Variants in SBNO2 observed in about 807,000 individuals in gnomAD.
SBNO2 encodes protein strawberry notch homolog 2.
SBNO2 carries 89 observed loss-of-function variants against 146.3 expected under a neutral mutation model. That is an observed-to-expected ratio of 0.61 (90% CI 0.51 to 0.73). The LOEUF (loss-of-function observed/expected upper bound fraction) is 0.73. Ranked by LOEUF, SBNO2 falls within the 30% of genes least tolerant of loss-of-function variation. The probability of loss-of-function intolerance (pLI) is 0.00; values close to 1 mark genes in which losing one functional copy is unlikely to be tolerated. For synonymous variants in SBNO2, 1,147 were observed against 892.6 expected (o/e 1.29, Z -5.08); for missense variants, 2,092 against 2,003.7 (o/e 1.04, Z -0.84).
chr19:1,152,139 G>A (rs987606585), intron 2 of SBNO2, among the ~76,000 whole-genome samples: 16 of 152,202 alleles, frequency 1.1e-4, no homozygotes, highest in African/African-American at 3.6e-4. Context: ...CCGGTTACGC[G>A]CACGGGTGCG....
Position 1,120,035 on chromosome 19 carries a change from G to C in SBNO2, c.1150-12C>G. On this transcript the variant is annotated splice_polypyrimidine_tract_variant and intron_variant, in intron 11 of 31. Transcript: ENST00000361757. ...TCGTCGAACACGATCTGAGGCACAC[G>C]TGGGTTAAGGAGTATTCTGAAGGAC... 1 of 1,546,932 alleles carries C rather than the reference G, an allele frequency of 6.5e-7. No individual in the cohort carries two copies. Among genetic ancestry groups the C allele is most frequent in the Non-Finnish European group, 8.7e-7 (1 of 1,143,896 alleles).
At chr19:1,162,286 C>T (rs374459419) in intron 1 of SBNO2, among the ~76,000 whole-genome samples, 3 of 146,680 alleles carry the variant, frequency 2.0e-5, no homozygotes, top group African/African-American at 5.1e-5. Flanking sequence ...GGTGAAACCC[C>T]GTCTCTACTA....
At chr19:1,116,212 A>G in intron 16 of SBNO2, 109 bp from the exon 17 acceptor site, 1 of 977,886 alleles carries the variant, frequency 1.0e-6, no homozygotes, top group Non-Finnish European at 1.5e-6. Flanking sequence ...CCCGGACAGG[A>G]CCGGGCCTGG....
chr19:1,145,795 A>G (rs2080184375), intron 4 of SBNO2, among the ~76,000 whole-genome samples: 1 of 152,110 alleles, frequency 6.6e-6, no homozygotes, highest in Non-Finnish European at 1.5e-5. Flanking sequence ...ATGGGGGTCC[A>G]GGGCTACTGC....
At chr19:1,118,691 A>G (rs2079861651) in intron 14 of SBNO2, among the ~76,000 whole-genome samples, 1 of 152,148 alleles carries the variant, frequency 6.6e-6, no homozygotes, top group South Asian at 2.1e-4. Context: ...CAACATGGAG[A>G]AACACCGTTC....
chr19:1,110,703 C>T lies in SBNO2; in HGVS notation c.3028+42G>A, dbSNP rs750950725. On this transcript the variant is annotated intron_variant, in intron 26 of 31. Transcript: ENST00000361757. This position sits in a 1 kb window ranked among gnomAD's most constrained non-coding sequence, Gnocchi z 4.9. ...ATGCATGGCGTTCCCACGAGCCCCGCACCCACACCCACCCACACCACACCC... is the reference window on the plus strand; with the variant it reads ...ATGCATGGCGTTCCCACGAGCCCCGTACCCACACCCACCCACACCACACCC... 10 of 1,607,746 alleles carry T rather than the reference C, an allele frequency of 6.2e-6. No individual in the cohort carries two copies. Among genetic ancestry groups the T allele is most frequent in the Admixed American group, 5.0e-5 (3 of 59,786 alleles).
At position 1,173,243 on chromosome 19, in the gene SBNO2, G is replaced by A. The variant is rs960714852; in HGVS notation, c.-127+929C>T. Among the ~76,000 whole-genome samples, 1 of 152,064 alleles carries A rather than the reference G, an allele frequency of 6.6e-6. No homozygotes were observed. The highest frequency in any genetic ancestry group is 2.4e-5 in the African/African-American group (1 of 41,406). On this transcript the variant is annotated intron_variant, in intron 1 of 31. Coordinates refer to ENST00000361757, the MANE Select transcript of SBNO2 (RefSeq NM_014963.3). The surrounding 1 kb of genome is among the most constrained non-coding windows in gnomAD (Gnocchi z 4.7). ...GGACAGGACCCACCAGGAGGCCTGC[G>A]CTTCCCCTTCACCGACACACGCTGC...
At chr19:1,151,929 C>G (rs529983933) in intron 2 of SBNO2, among the ~76,000 whole-genome samples, 1 of 152,340 alleles carries the variant, frequency 6.6e-6, no homozygotes, top group East Asian at 1.9e-4. Flanking sequence ...TCCCAGAGTG[C>G]TGGGATTTCA....
chr19:1,139,032 G>A (rs769318401), intron 4 of SBNO2, among the ~76,000 whole-genome samples: 15 of 151,872 alleles, frequency 9.9e-5, no homozygotes, highest in Admixed American at 1.3e-4. Flanking sequence ...ACCTCCACGC[G>A]TCTATCATGA....
intron 4 of SBNO2, among the ~76,000 whole-genome samples, chr19:1,138,243 G>C (rs989427024): frequency 6.7e-6 from 1 of 148,926 alleles, no homozygotes; most frequent in African/African-American, 2.5e-5. Flanking sequence ...AGAGGCACCA[G>C]GGGCTGCCCT....
intron 3 of SBNO2, among the ~76,000 whole-genome samples, chr19:1,147,914 A>C (rs4072412): frequency 6.6e-6 from 1 of 152,020 alleles, no homozygotes; most frequent in East Asian, 1.9e-4. Context: ...GAGGATGGCA[A>C]AGGACACAGC....
intron 10 of SBNO2, 71 bp from the exon 11 acceptor site, chr19:1,122,353 T>G (rs533671192): frequency 2.0e-6 from 3 of 1,513,990 alleles, no homozygotes; most frequent in Admixed American, 2.1e-5. Context: ...TCTCCCTATC[T>G]GTAAGGGTGC....
At chr19:1,159,279 C>G (rs938036948) in intron 1 of SBNO2, among the ~76,000 whole-genome samples, 2 of 151,906 alleles carry the variant, frequency 1.3e-5, no homozygotes, top group Admixed American at 1.3e-4. Flanking sequence ...CAGGCCCCAA[C>G]TCGGCCGCCA....
rs560348108 is a variant in SBNO2, at chr19:1,114,331, C to T, written c.1977G>A (p.Ser659=). ...TGAAGTCGCTGTCCAGGCCAGGGTC[C>T]GACTCCGTGCTGCTGTCGTCACTGA... The part of the protein sequence containing the change: ...IRISDDSSTE[S]DPGLDSDFNS... The change falls in exon 18 of 32, where the codon TCG becomes TCA. Residue 659 remains serine, a synonymous_variant. Coordinates refer to ENST00000361757, the MANE Select transcript of SBNO2 (RefSeq NM_014963.3). 2.1e-5 allele frequency: 32 copies of T among 1,556,436 alleles called. No individual in the cohort carries two copies. The highest frequency in any genetic ancestry group is 9.7e-5 in the East Asian group (4 of 41,298).
rs377754334 is a variant in SBNO2, at chr19:1,129,742, G to A, written c.280-1977C>T. ...AGGCCCCAGCCAGGAGCGGGGGTGA[G>A]TTGCTATCGGGCCCAGAACCGCCCA... On this transcript the variant is annotated intron_variant, in intron 4 of 31. Transcript: ENST00000361757. Among the ~76,000 whole-genome samples the A allele has an allele frequency of 1.2e-4, 18 of 152,344 alleles. No individual in the cohort carries two copies. The East Asian group carries it at 2.3e-3, about 20-fold the overall frequency.
intron 14 of SBNO2, among the ~76,000 whole-genome samples, 152 bp downstream of exon 14, chr19:1,118,859 G>A (rs1369540480): frequency 4.6e-5 from 7 of 151,750 alleles, no homozygotes; most frequent in Admixed American, 3.3e-4. Flanking sequence ...ATGACAGCAC[G>A]AGACTGTCTC....
chr19:1,129,750 C>T (rs371154354), intron 4 of SBNO2, among the ~76,000 whole-genome samples: 2 of 152,182 alleles, frequency 1.3e-5, no homozygotes, highest in Admixed American at 6.5e-5. Context: ...GAGTTGCTAT[C>T]GGGCCCAGAA....
At chr19:1,122,389 G>A (rs2079911274) in intron 10 of SBNO2, 79 bp downstream of exon 10, 1 of 1,519,612 alleles carries the variant, frequency 6.6e-7, no homozygotes. Context: ...CTGGCTGCTG[G>A]CCCACCCAGC....
intron 14 of SBNO2, 68 bp from the exon 15 acceptor site, chr19:1,117,567 C>T (rs1402795323): frequency 6.8e-7 from 1 of 1,474,018 alleles, no homozygotes; most frequent in Non-Finnish European, 9.0e-7. Context: ...CCCCGGCCCA[C>T]CTGCCGCCAG....
Sources: gnomAD v4.1 joint callset for allele counts (sites outside exome capture counted in the v4.1 genomes callset) on GRCh38, gnomAD v4.1.1 for gene constraint, Gnocchi (gnomAD v3.1) non-coding constraint, MANE v1.5 for transcripts, NCBI Gene and HGNC (gene_info 2026-07-23, HGNC 2026-07-21) for gene names.